PRMT8: variants seen among roughly 807,000 people sequenced by gnomAD.
PRMT8 encodes protein arginine methyltransferase 8.
A neutral mutation model predicts 47.1 loss-of-function variants in PRMT8; 7 were observed. The observed-to-expected ratio is 0.15, with a 90% confidence interval of 0.08 to 0.28. The LOEUF (loss-of-function observed/expected upper bound fraction) is 0.28, where lower values mean the gene tolerates loss of function less well. Among genes scored for constraint, PRMT8 ranks in the 10% least tolerant of loss-of-function variants. The pLI, the probability that PRMT8 is intolerant of heterozygous loss-of-function variation, is 1.00. For missense variants in PRMT8, 237 were observed against 505.4 expected (o/e 0.47, Z 5.09); for synonymous variants, 188 against 186.5 (o/e 1.01, Z -0.07).
At chr12:3,458,727 G>A (rs561145048) in intron 1 of PRMT8, among the ~76,000 whole-genome samples, 1 of 152,138 alleles carries the variant, frequency 6.6e-6, no homozygotes, top group Non-Finnish European at 1.5e-5. Context: ...CTCAATGTCT[G>A]CTCTAACTGG....
chr12:3,421,493 C>G (rs1400211020), intron 1 of PRMT8, among the ~76,000 whole-genome samples: 1 of 152,198 alleles, frequency 6.6e-6, no homozygotes. Context: ...GGTGCCAGGA[C>G]CGGTGGGAGA....
chr12:3,495,055 G>A (rs1013044983), intron 1 of PRMT8, among the ~76,000 whole-genome samples: 5 of 152,124 alleles, frequency 3.3e-5, no homozygotes, highest in African/African-American at 4.8e-5. Flanking sequence ...GGTGTCATGA[G>A]AAACCTCCTC....
intron 1 of PRMT8, among the ~76,000 whole-genome samples, chr12:3,425,875 G>A (rs946518387): frequency 6.6e-6 from 1 of 152,256 alleles, no homozygotes; most frequent in Non-Finnish European, 1.5e-5. Flanking sequence ...CATCCGCTCA[G>A]GGATGAACAA....
chr12:3,571,106 T>G (rs1344139534), intron 6 of PRMT8, among the ~76,000 whole-genome samples: 1 of 152,214 alleles, frequency 6.6e-6, no homozygotes, highest in East Asian at 1.9e-4. Context: ...ACGTGACAGT[T>G]CTTGGTCCTA....
At chr12:3,423,570 T>C (rs2137062926) in intron 1 of PRMT8, among the ~76,000 whole-genome samples, 1 of 152,330 alleles carries the variant, frequency 6.6e-6, no homozygotes, top group South Asian at 2.1e-4. Flanking sequence ...CACCTGTCTT[T>C]ATGGGCAGTA....
intron 1 of PRMT8, among the ~76,000 whole-genome samples, chr12:3,532,947 G>A (rs1358820323): frequency 6.6e-6 from 1 of 152,138 alleles, no homozygotes; most frequent in African/African-American, 2.4e-5. Context: ...CGAGGGTCCT[G>A]GGAGGCCTCC....
chr12:3,491,697 C>G lies in PRMT8; in HGVS notation c.72C>G (p.Thr24=), dbSNP rs750368824. The change falls in exon 1 of 10, where the codon ACC becomes ACG. Residue 24 remains threonine (T), a synonymous_variant. Coordinates refer to ENST00000382622, the MANE Select transcript of PRMT8 (RefSeq NM_019854.5). ...RKMAENAAES[T]EVNSPPSQPP... ...TGGCGGAGAACGCGGCCGAGAGCAC[C>G]GAGGTAAGGAGGCGAGCGAGCAGGG... 3.1e-6 allele frequency: 5 copies of G among 1,608,826 alleles called. No individual in the cohort carries two copies. The highest frequency in any genetic ancestry group is 4.2e-6 in the Non-Finnish European group (5 of 1,179,248).
At chr12:3,417,895 C>G (rs981589610) in intron 1 of PRMT8, among the ~76,000 whole-genome samples, 1 of 152,182 alleles carries the variant, frequency 6.6e-6, no homozygotes, top group Non-Finnish European at 1.5e-5. Flanking sequence ...AGCCACCTGC[C>G]TGGTTTCATA....
intron 1 of PRMT8, among the ~76,000 whole-genome samples, chr12:3,495,666 T>C (rs1247156550): frequency 6.6e-6 from 1 of 152,060 alleles, no homozygotes; most frequent in Admixed American, 6.6e-5. Context: ...ATAATGCACT[T>C]TTTTTTGAAT....
Position 3,540,618 on chromosome 12 carries a change from C to CCAG in PRMT8, c.89_90insAGC (p.Pro30_Ser31insAla). ...CTCTTCCCCTCAGGTGAACAGCCCC[C>CCAG]CCTCCCAGCCCCCCCAGCCCGTCGT... is the stretch of plus-strand genomic sequence containing the variant. On this transcript the variant is annotated inframe_insertion, in exon 2 of 10. Transcript: ENST00000382622. 1 of 1,134,802 alleles carries CCAG rather than the reference C, an allele frequency of 8.8e-7. No individual in the cohort carries two copies. The highest frequency in any genetic ancestry group is 1.3e-5 in the South Asian group (1 of 79,788). 70.3% of individuals were successfully genotyped at this position (1,134,802 alleles called of 1,614,324 possible). A position where few individuals can be genotyped will look rare whatever the true frequency, so the allele number is the denominator to read the frequency against.
chr12:3,505,983 A>G (rs1290272957), intron 1 of PRMT8, among the ~76,000 whole-genome samples: 1 of 152,180 alleles, frequency 6.6e-6, no homozygotes, highest in Non-Finnish European at 1.5e-5. Flanking sequence ...GCTTATTTGA[A>G]GGGCTCTTCT....
intron 1 of PRMT8, among the ~76,000 whole-genome samples, chr12:3,417,920 C>G (rs1389904020): frequency 1.3e-5 from 2 of 152,186 alleles, no homozygotes; most frequent in East Asian, 3.9e-4. Context: ...GGCTCTGCTC[C>G]TTACCAGTTG....
chr12:3,525,629 T>G (rs1182245439), intron 1 of PRMT8, among the ~76,000 whole-genome samples: 2 of 152,200 alleles, frequency 1.3e-5, no homozygotes, highest in Non-Finnish European at 2.9e-5. Context: ...TGAAGAAACC[T>G]CATGAGTGAG....
intron 1 of PRMT8, among the ~76,000 whole-genome samples, chr12:3,474,619 A>G (rs1180877616): frequency 6.6e-6 from 1 of 151,984 alleles, no homozygotes; most frequent in Non-Finnish European, 1.5e-5. Context: ...TTGCTTGACT[A>G]ACCCCTCACA....
chr12:3,401,810 G>A (rs146324357), intron 1 of PRMT8, among the ~76,000 whole-genome samples: 42 of 152,142 alleles, frequency 2.8e-4, no homozygotes, highest in East Asian at 9.6e-4. Flanking sequence ...ACTACAAACC[G>A]CTGCTCAAAG....
At chr12:3,516,584 A>C (rs542369065) in intron 1 of PRMT8, among the ~76,000 whole-genome samples, 1 of 152,320 alleles carries the variant, frequency 6.6e-6, no homozygotes, top group Non-Finnish European at 1.5e-5. Flanking sequence ...TGGAGGTGGC[A>C]GTGTTTGCAG....
chr12:3,449,674 C>A (rs1864898105), intron 1 of PRMT8, among the ~76,000 whole-genome samples: 1 of 152,086 alleles, frequency 6.6e-6, no homozygotes, highest in African/African-American at 2.4e-5. Flanking sequence ...TTCTCCCATT[C>A]TTTATGAGAT....
chr12:3,397,925 T>G (rs932222776), intron 1 of PRMT8, among the ~76,000 whole-genome samples: 19 of 152,164 alleles, frequency 1.2e-4, no homozygotes, highest in Non-Finnish European at 2.8e-4. Context: ...GTGCCGTTTT[T>G]TAAGCCCGTC....
chr12:3,536,820 T>C (rs563312232), intron 1 of PRMT8, among the ~76,000 whole-genome samples: 187 of 152,348 alleles, frequency 1.2e-3, no homozygotes, highest in Non-Finnish European at 2.0e-3. Flanking sequence ...CATGATCATA[T>C]TTTTGTGTAA....
Sources: gnomAD v4.1 joint callset for allele counts (sites outside exome capture counted in the v4.1 genomes callset) on GRCh38, gnomAD v4.1.1 for gene constraint, MANE v1.5 for transcripts, NCBI Gene and HGNC (gene_info 2026-07-23, HGNC 2026-07-21) for gene names.